CAPN7: variants seen among roughly 807,000 people sequenced by gnomAD.
CAPN7 encodes calpain 7, also known as calpain-7.
A neutral mutation model predicts 115.2 loss-of-function variants in CAPN7; 72 were observed. The ratio of observed to expected loss-of-function variants is 0.63; its 90% CI spans 0.52 to 0.76. The LOEUF (loss-of-function observed/expected upper bound fraction) is 0.76, where lower values mean the gene tolerates loss of function less well. Among genes scored for constraint, CAPN7 ranks in the 30% least tolerant of loss-of-function variants. The pLI, the probability that CAPN7 is intolerant of heterozygous loss-of-function variation, is 0.00. For synonymous variants in CAPN7, 344 were observed against 322.3 expected (o/e 1.07, Z -0.72); for missense variants, 905 against 971.5 (o/e 0.93, Z 0.91).
chr3:15,213,688 A>G (rs2045076653), intron 2 of CAPN7, among the ~76,000 whole-genome samples: 1 of 152,200 alleles, frequency 6.6e-6, no homozygotes, highest in Admixed American at 6.5e-5. Flanking sequence ...ATAAATATGA[A>G]TCATTTTTTT....
intron 19 of CAPN7, among the ~76,000 whole-genome samples, chr3:15,249,547 TA>T (rs926984993): frequency 1.3e-5 from 2 of 152,200 alleles, no homozygotes; most frequent in Non-Finnish European, 2.9e-5. Flanking sequence ...TTTTTGCATT[TA>T]AAAAATTCAT....
chr3:15,232,505 T>G lies in CAPN7; in HGVS notation c.1033-14T>G. ...TTTTGTGCACCTAAGAAGGTTAATGTTCTCTTTCTCCAGGTGATAATTGAT... is the reference window on the plus strand; with the variant it reads ...TTTTGTGCACCTAAGAAGGTTAATGGTCTCTTTCTCCAGGTGATAATTGAT... On this transcript the variant is annotated splice_polypyrimidine_tract_variant and intron_variant, in intron 9 of 20. Coordinates refer to ENST00000253693, the MANE Select transcript of CAPN7 (RefSeq NM_014296.3). The G allele has an allele frequency of 6.3e-7, 1 of 1,590,794 alleles. No individual in the cohort carries two copies. The highest frequency in any genetic ancestry group is 8.5e-7 in the Non-Finnish European group (1 of 1,171,262).
chr3:15,248,286 A>G (rs1475984393), intron 19 of CAPN7, among the ~76,000 whole-genome samples: 1 of 152,250 alleles, frequency 6.6e-6, no homozygotes, highest in Non-Finnish European at 1.5e-5. Context: ...ACATATATTC[A>G]TTGACAACAT....
intron 8 of CAPN7, 50 bp from the exon 9 acceptor site, chr3:15,230,392 G>C: frequency 8.4e-7 from 1 of 1,197,404 alleles, no homozygotes; most frequent in Non-Finnish European, 1.2e-6. Flanking sequence ...TATAGTAGTT[G>C]ATATTGAATA....
At chr3:15,214,856 G>T (rs1313189668) in intron 2 of CAPN7, among the ~76,000 whole-genome samples, 4 of 152,172 alleles carry the variant, frequency 2.6e-5, no homozygotes, top group African/African-American at 7.2e-5. Flanking sequence ...AAAGCAATTT[G>T]CCCCCCAGGG....
chr3:15,231,876 C>T lies in CAPN7; in HGVS notation c.1033-643C>T, dbSNP rs1449729715. Among the ~76,000 whole-genome samples the T allele has an allele frequency of 3.3e-5, 5 of 152,238 alleles. No homozygotes were observed. The East Asian group carries it at 5.8e-4, about 18-fold the overall frequency. On this transcript the variant is annotated intron_variant, in intron 9 of 20. Transcript: ENST00000253693. ...TAGATACTGTATCTGATGACTTCCTCTGTTATTTATATGTATTTTCTAGCC... is the reference window on the plus strand; with the variant it reads ...TAGATACTGTATCTGATGACTTCCTTTGTTATTTATATGTATTTTCTAGCC...
chr3:15,207,788 C>T (rs1184332318), intron 1 of CAPN7, among the ~76,000 whole-genome samples: 1 of 152,066 alleles, frequency 6.6e-6, no homozygotes, highest in Non-Finnish European at 1.5e-5. Context: ...ATGAAACTGT[C>T]GTCTCCTATG....
chr3:15,236,153 A>G (rs1487094908), intron 12 of CAPN7, among the ~76,000 whole-genome samples: 1 of 152,220 alleles, frequency 6.6e-6, no homozygotes, highest in African/African-American at 2.4e-5. Context: ...CCTGAGTGAT[A>G]GAGACCCTGT....
chr3:15,251,108 A>G lies in CAPN7; in HGVS notation c.2298-8A>G. ...TATAAACCTTATTCTCATTTTCTCT[A>G]AATATAGGTGTGGGTTTTGCTACCT... On this transcript the variant is annotated splice_polypyrimidine_tract_variant and splice_region_variant and intron_variant, in intron 20 of 20. Coordinates refer to ENST00000253693, the MANE Select transcript of CAPN7 (RefSeq NM_014296.3). The G allele has an allele frequency of 1.9e-6, 3 of 1,603,750 alleles. No individual in the cohort carries two copies. The highest frequency in any genetic ancestry group is 1.7e-5 in the Admixed American group (1 of 58,316).
rs191482862 is a variant in CAPN7 at position 15,211,330 on chromosome 3, T to A, written c.103-774T>A. Among the ~76,000 whole-genome samples the A allele has an allele frequency of 1.7e-3, 253 of 152,340 alleles. 2 individuals are homozygous for A. The highest frequency in any genetic ancestry group is 5.4e-3 in the African/African-American group (223 of 41,580). ...CAGTTCACATTTTCAAGGTATATAA[T>A]TTTAAATCTGATCTATTGCATAAGG... On this transcript the variant is annotated intron_variant, in intron 1 of 20. Coordinates refer to ENST00000253693, the MANE Select transcript of CAPN7 (RefSeq NM_014296.3).
intron 17 of CAPN7, 129 bp downstream of exon 17, chr3:15,245,800 TATC>T (rs1254373664): frequency 9.2e-6 from 6 of 651,558 alleles, no homozygotes; most frequent in South Asian, 3.2e-5. Context: ...TTTTTGTGCT[TATC>T]ATTTTAATAG....
At chr3:15,207,552 T>G (rs2124843373) in intron 1 of CAPN7, among the ~76,000 whole-genome samples, 1 of 152,308 alleles carries the variant, frequency 6.6e-6, no homozygotes, top group African/African-American at 2.4e-5. Context: ...TCTTAACTTT[T>G]TAACTCTTTT....
intron 19 of CAPN7, 34 bp downstream of exon 19, chr3:15,247,491 G>A (rs774618983): frequency 6.4e-7 from 1 of 1,555,622 alleles, no homozygotes; most frequent in South Asian, 1.2e-5. Context: ...AATTAATGAT[G>A]TTCTATTACA....
At chr3:15,247,512 G>A in intron 19 of CAPN7, 55 bp downstream of exon 19, 1 of 1,453,012 alleles carries the variant, frequency 6.9e-7, no homozygotes, top group Admixed American at 2.4e-5. Flanking sequence ...AATGAACATA[G>A]TATAACAAAA....
chr3:15,247,534 C>G, intron 19 of CAPN7, 77 bp downstream of exon 19: 3 of 1,181,960 alleles, frequency 2.5e-6, no homozygotes, highest in South Asian at 1.7e-5. Flanking sequence ...AGTTTAGAAA[C>G]AGACCTAAGC....
chr3:15,223,205 C>G (rs3821640), intron 5 of CAPN7, among the ~76,000 whole-genome samples: 7,195 of 152,178 alleles, frequency 0.047, 376 homozygotes, highest in East Asian at 0.12. Context: ...GTCTTGGTGT[C>G]AAGGACACTT....
chr3:15,245,511 CTTG>C lies in CAPN7; in HGVS notation c.1865-12_1865-10del. On this transcript the variant is annotated splice_polypyrimidine_tract_variant and intron_variant, in intron 16 of 20. Transcript: ENST00000253693. ...AAAAGTCTCCTTTTCTCTAAGCCTA[CTTG>C]TTTGTTTGCAGCTGACCCACCTCCA... The C allele has an allele frequency of 6.2e-7, 1 of 1,604,596 alleles. No homozygotes were observed. Among genetic ancestry groups the C allele is most frequent in the Non-Finnish European group, 8.5e-7 (1 of 1,176,410 alleles).
rs1392526197 is a variant in CAPN7 at position 15,206,509 on chromosome 3, C to G, written c.14C>G (p.Ala5Gly). The G allele has an allele frequency of 6.4e-7, 1 of 1,551,682 alleles. No individual in the cohort carries two copies. Among genetic ancestry groups the G allele is most frequent in the Admixed American group, 2.0e-5 (1 of 51,264 alleles). Residue 5 changes from alanine (A) to glycine (G), a missense_variant, in exon 1 of 21, where the codon GCA (alanine) becomes GGA (glycine). Physicochemically the swap from Ala to Gly is moderately conservative, Grantham distance 60. Around this residue, in one of 3 missense-constraint regions of CAPN7, gnomAD observed 271 missense variants for 239.6 expected, o/e 1.13. Transcript: ENST00000253693. The stretch of plus-strand genomic sequence containing the variant: ...GGCCACTGCGCCATGGACGCCACAG[C>G]ACTGGAGCGGGACGCTGTGCAGTTC... MDAT[A>G]LERDAVQFAR...
chr3:15,223,685 T>C lies in CAPN7; in HGVS notation c.725+124T>C. ...AAATTTGTTGGAATAGAGGGGTGGC[T>C]GTGGGAAAGGGATAGGGCAACATAG... On this transcript the variant is annotated intron_variant, in intron 6 of 20. Coordinates refer to ENST00000253693, the MANE Select transcript of CAPN7 (RefSeq NM_014296.3). The C allele has an allele frequency of 6.3e-6, 4 of 634,486 alleles. No homozygotes were observed. In the South Asian group the frequency reaches 7.8e-5, roughly 12 times the overall value. The allele number at this position is 634,486 out of a possible 1,614,324, so 39.3% of individuals were successfully genotyped here.
Sources: allele counts gnomAD v4.1 joint callset (sites outside exome capture counted in the v4.1 genomes callset), GRCh38; gene constraint gnomAD v4.1.1; regional missense constraint gnomAD v4.1.1; transcripts MANE v1.5; gene names NCBI Gene and HGNC (gene_info 2026-07-23, HGNC 2026-07-21).